Variants in XBP1 observed in about 807,000 individuals in gnomAD.
XBP1 encodes the protein X-box binding protein 1, also known as X-box-binding protein 1.
In XBP1, 18 loss-of-function variants were observed where a neutral mutation model predicts 34.6. The observed-to-expected ratio is 0.52, with a 90% CI of 0.36 to 0.77. XBP1 has a LOEUF of 0.77. Ranked by LOEUF, XBP1 falls within the 30% of genes least tolerant of loss-of-function variation. The pLI is 0.00. For synonymous variants in XBP1, 191 were observed against 193.4 expected, an observed-to-expected ratio of 0.99 and a Z score of 0.11; for missense variants, 422 against 464.6, an observed-to-expected ratio of 0.91 and a Z score of 0.84.
chr22:28,800,363 C>T (rs1454740425), exon 1 of XBP1: 9 of 1,542,500 alleles, frequency 5.8e-6, no homozygotes, highest in East Asian at 2.6e-5. Flanking sequence ...CCTGGGGCAG[C>T]CCCCCGCTCG....
At chr22:28,800,462 C>A in exon 1 of XBP1, 1 of 1,476,528 alleles carries the variant, frequency 6.8e-7, no homozygotes, top group Non-Finnish European at 8.9e-7. Context: ...CGGGCTGCCC[C>A]GACAGAAGCA....
At chr22:28,800,481 G>T in exon 1 of XBP1, 1 of 1,486,012 alleles carries the variant, frequency 6.7e-7, no homozygotes, top group South Asian at 1.3e-5. Flanking sequence ...CAGAACTTTA[G>T]GGGTCCCGTC....
intron 5 of XBP1, 106 bp from the exon 6 acceptor site, chr22:28,795,838 A>C: frequency 7.6e-7 from 1 of 1,322,176 alleles, no homozygotes; most frequent in Non-Finnish European, 1.0e-6. Context: ...TCATTATGTG[A>C]TAAGATGACC....
At chr22:28,800,507 G>C (rs753298730) in exon 1 of XBP1, 2 of 1,488,990 alleles carry the variant, frequency 1.3e-6, no homozygotes, top group African/African-American at 1.5e-5. Context: ...GGTTCGGCGC[G>C]GCTGCCACCA....
At chr22:28,799,126 C>T in exon 2 of XBP1, 1 of 1,614,072 alleles carries the variant, frequency 6.2e-7, no homozygotes, top group African/African-American at 1.3e-5. Flanking sequence ...CTCTGGCAGT[C>T]TGAGCTGCTA....
intron 1 of XBP1, 182 bp downstream of exon 1, chr22:28,800,116 C>G (rs2031846774): frequency 2.7e-6 from 2 of 746,162 alleles, no homozygotes; most frequent in African/African-American, 1.8e-5. Context: ...CCCAGCGTGG[C>G]GGATCCGGTC....
chr22:28,799,771 T>C (rs984277128), intron 1 of XBP1, among the ~76,000 whole-genome samples: 21 of 152,224 alleles, frequency 1.4e-4, no homozygotes, highest in Admixed American at 6.5e-5. Context: ...TACGGAGGAC[T>C]AAGTGCTAGG....
At chr22:28,800,412 A>G in exon 1 of XBP1, 1 of 1,514,434 alleles carries the variant, frequency 6.6e-7, no homozygotes, top group South Asian at 1.2e-5. Context: ...TGGCACCATG[A>G]GCGGCAGGGC....
intron 3 of XBP1, 146 bp downstream of exon 3, chr22:28,796,931 A>G: frequency 1.0e-6 from 1 of 994,558 alleles, no homozygotes; most frequent in Non-Finnish European, 1.4e-6. Context: ...GGGGAAGAAC[A>G]CTCTGCCTGC....
chr22:28,800,366 C>G (rs895138541), exon 1 of XBP1: 1 of 1,542,314 alleles, frequency 6.5e-7, no homozygotes, highest in African/African-American at 1.4e-5. Flanking sequence ...GGGGCAGCCC[C>G]CCGCTCGCTG....
At chr22:28,796,050 T>G in exon 5 of XBP1, 2 of 1,614,206 alleles carry the variant, frequency 1.2e-6, no homozygotes, top group Non-Finnish European at 1.7e-6. Context: ...TCCCTACCTC[T>G]GAATCTGAAG....
chr22:28,800,198 C>T (rs1358075758), intron 1 of XBP1, 100 bp downstream of exon 1: 6 of 1,365,198 alleles, frequency 4.4e-6, no homozygotes, highest in African/African-American at 2.9e-5. Context: ...CGGAGCCCTG[C>T]GGGGCGGCCA....
chr22:28,795,234 T>C (rs1238470480), exon 6 of XBP1: 1 of 1,548,080 alleles, frequency 6.5e-7, no homozygotes, highest in South Asian at 1.2e-5. Flanking sequence ...CAAGAATGGT[T>C]TACACCAAGC....
intron 2 of XBP1, among the ~76,000 whole-genome samples, chr22:28,798,577 G>C (rs937808188): frequency 6.7e-6 from 1 of 150,326 alleles, no homozygotes; most frequent in Non-Finnish European, 1.5e-5. Context: ...CCAAAGTGCT[G>C]GGATTACAGG....
intron 2 of XBP1, among the ~76,000 whole-genome samples, chr22:28,798,129 G>A (rs1027832577): frequency 2.9e-4 from 44 of 152,248 alleles, no homozygotes; most frequent in African/African-American, 9.9e-4. Flanking sequence ...AGAATGTAAA[G>A]TTTAAGCAAT....
At chr22:28,794,769 A>G (rs2031712398), downstream of XBP1, 1 of 155,934 alleles carries the variant, frequency 6.4e-6, no homozygotes, top group Non-Finnish European at 1.4e-5. Context: ...AAACTAAAGG[A>G]CCTAAAACTG....
At chr22:28,797,797 GATAATA>G (rs148051775) in intron 2 of XBP1, among the ~76,000 whole-genome samples, 15 of 150,028 alleles carry the variant, frequency 1.0e-4, no homozygotes, top group African/African-American at 2.9e-4. Context: ...TAATGATGAT[GATAATA>G]ATAATAATAA....
chr22:28,796,233 C>G (rs780238687), intron 3 of XBP1, 41 bp from the exon 4 acceptor site: 7 of 1,486,862 alleles, frequency 4.7e-6, no homozygotes, highest in Non-Finnish European at 6.2e-6. Context: ...CTTCAAGTGC[C>G]CAAGGAAATG....
At chr22:28,800,275 C>G in intron 1 of XBP1, 23 bp downstream of exon 1, 1 of 1,549,148 alleles carries the variant, frequency 6.5e-7, no homozygotes, top group Non-Finnish European at 8.7e-7. Flanking sequence ...AGATCTGGCC[C>G]CAGACCCCGG....
Sources: gnomAD v4.1 joint callset for allele counts (sites outside exome capture counted in the v4.1 genomes callset) on GRCh38, gnomAD v4.1.1 for gene constraint, MANE v1.5 for transcripts, NCBI Gene and HGNC (gene_info 2026-07-23, HGNC 2026-07-21) for gene names.